Variants in ARHGEF3 observed in about 807,000 individuals in gnomAD.
The protein encoded by ARHGEF3 is 59.8 kDA protein.
Under a neutral mutation model 63.2 loss-of-function variants are expected in ARHGEF3, and 28 were observed. The ratio of observed to expected loss-of-function variants is 0.44; its 90% CI spans 0.33 to 0.61. ARHGEF3 has a LOEUF of 0.61. Among genes scored for constraint, ARHGEF3 ranks in the 20% least tolerant of loss-of-function variants. The probability of loss-of-function intolerance (pLI) is 0.03; values close to 1 mark genes in which losing one functional copy is unlikely to be tolerated. For missense variants in ARHGEF3, 533 were observed against 659.3 expected (o/e 0.81, Z 2.10); for synonymous variants, 266 against 254.2 (o/e 1.05, Z -0.44).
At chr3:56,826,326 A>G (rs537651052) in intron 4 of ARHGEF3, among the ~76,000 whole-genome samples, 1 of 152,348 alleles carries the variant, frequency 6.6e-6, no homozygotes, top group East Asian at 1.9e-4. Context: ...TGTCACAACT[A>G]GAAGCATTTT....
chr3:56,877,700 A>G (rs2040634094), intron 4 of ARHGEF3, among the ~76,000 whole-genome samples: 1 of 152,182 alleles, frequency 6.6e-6, no homozygotes, highest in Non-Finnish European at 1.5e-5. Flanking sequence ...GTATGCTTAT[A>G]TAAATGTTAA....
chr3:56,980,113 T>A (rs1214375673), intron 2 of ARHGEF3, among the ~76,000 whole-genome samples: 1 of 152,232 alleles, frequency 6.6e-6, no homozygotes, highest in Non-Finnish European at 1.5e-5. Flanking sequence ...GAAAATGCAC[T>A]TAATACCCTT....
intron 2 of ARHGEF3, among the ~76,000 whole-genome samples, chr3:56,968,063 T>TA (rs1700680860): frequency 1.8e-4 from 5 of 27,384 alleles, no homozygotes; most frequent in Non-Finnish European, 2.2e-4. Flanking sequence ...ATATATATAA[T>TA]ATATATAATA....
intron 4 of ARHGEF3, among the ~76,000 whole-genome samples, chr3:56,817,909 C>T (rs749900600): frequency 3.3e-5 from 5 of 152,180 alleles, no homozygotes; most frequent in Non-Finnish European, 7.3e-5. Context: ...AGGAAGGCCA[C>T]GCATGGGGGA....
chr3:56,802,332 A>G (rs75129186), upstream of ARHGEF3, among the ~76,000 whole-genome samples: 4,675 of 152,194 alleles, frequency 0.031, 79 homozygotes, highest in Non-Finnish European at 0.041. Flanking sequence ...GCCTGGGGGG[A>G]AAAGCGAGCG....
chr3:56,999,022 A>G (rs771882189), intron 2 of ARHGEF3, among the ~76,000 whole-genome samples: 1 of 152,102 alleles, frequency 6.6e-6, no homozygotes, highest in Non-Finnish European at 1.5e-5. Flanking sequence ...GCCAACAGAT[A>G]AAGTAGTAAG....
intron 1 of ARHGEF3, among the ~76,000 whole-genome samples, chr3:57,056,184 G>A (rs554353806): frequency 3.9e-5 from 6 of 152,040 alleles, no homozygotes; most frequent in East Asian, 1.9e-4. Flanking sequence ...TCAGAAGATC[G>A]AGACCATCCT....
intron 4 of ARHGEF3, among the ~76,000 whole-genome samples, chr3:56,856,053 G>C (rs954128500): frequency 3.3e-5 from 5 of 152,202 alleles, no homozygotes; most frequent in Non-Finnish European, 7.3e-5. Context: ...AGACCAGCAG[G>C]GGGCCCTGCC....
chr3:56,867,949 C>G (rs564314115), intron 4 of ARHGEF3, among the ~76,000 whole-genome samples: 1 of 152,262 alleles, frequency 6.6e-6, no homozygotes, highest in African/African-American at 2.4e-5. Context: ...ATTTATCAAA[C>G]CATCACACTC....
At chr3:56,874,673 TA>T (rs1320867223) in intron 4 of ARHGEF3, among the ~76,000 whole-genome samples, 2 of 152,212 alleles carry the variant, frequency 1.3e-5, no homozygotes, top group African/African-American at 4.8e-5. Flanking sequence ...ATGCCTGTCA[TA>T]AACCTCAAAG....
chr3:56,729,583 T>A lies in ARHGEF3; in HGVS notation c.1268A>T (p.Gln423Leu). Reference sequence around the variant, plus strand: ...GGCTTGTAGCGAGTGGGTCTGACTTTGGGATCCATTTTTGAAACTGACTCT... The same window carrying A: ...GGCTTGTAGCGAGTGGGTCTGACTTAGGGATCCATTTTTGAAACTGACTCT... ...FFRVSFKNGS[Q>L]SQTHSLQAND... is the part of the protein sequence containing the mutation. The change falls in exon 10 of 10, where the codon CAA becomes CTA. Residue 423 changes from glutamine to leucine, a missense_variant. Gln to Leu is a moderately radical substitution (Grantham distance 113). Coordinates refer to ENST00000296315, the MANE Select transcript of ARHGEF3 (RefSeq NM_019555.3). 1 of 1,605,266 alleles carries A rather than the reference T, an allele frequency of 6.2e-7. No individual in the cohort carries two copies. Among genetic ancestry groups the A allele is most frequent in the Non-Finnish European group, 8.5e-7 (1 of 1,174,614 alleles).
chr3:56,801,892 G>C lies in ARHGEF3; in HGVS notation c.-94C>G. 6.5e-7 allele frequency: 1 copy of C among 1,547,418 alleles called. No homozygotes were observed. The highest frequency in any genetic ancestry group is 8.7e-7 in the Non-Finnish European group (1 of 1,146,570). On this transcript the variant is annotated 5_prime_UTR_variant, in exon 1 of 10. Transcript: ENST00000296315. ...AAGGGGGCCCCAGCTCCACGATGCC[G>C]GGCGGCGGCGGCGACACGGAGACCG... is the stretch of plus-strand genomic sequence containing the variant.
intron 3 of ARHGEF3, among the ~76,000 whole-genome samples, chr3:56,929,939 T>C (rs1414952935): frequency 1.3e-5 from 2 of 152,148 alleles, no homozygotes; most frequent in Non-Finnish European, 2.9e-5. Flanking sequence ...ACAATGCAAC[T>C]GACAATGCTT....
At chr3:56,997,007 A>G (rs964129266) in intron 2 of ARHGEF3, among the ~76,000 whole-genome samples, 46 of 151,914 alleles carry the variant, frequency 3.0e-4, no homozygotes, top group Non-Finnish European at 2.9e-5. Context: ...GGAAGCCAAA[A>G]GATTGAACAC....
At chr3:57,009,323 C>T (rs1439539435) in intron 2 of ARHGEF3, among the ~76,000 whole-genome samples, 1 of 152,144 alleles carries the variant, frequency 6.6e-6, no homozygotes, top group Non-Finnish European at 1.5e-5. Context: ...GCCTATCCCC[C>T]AGCCTGCCTG....
At chr3:57,029,739 G>A (rs1703654106) in intron 2 of ARHGEF3, among the ~76,000 whole-genome samples, 1 of 152,186 alleles carries the variant, frequency 6.6e-6, no homozygotes, top group East Asian at 1.9e-4. Context: ...AGCAGACTGT[G>A]GGAATGCTGA....
At chr3:56,981,566 T>C (rs1279918399) in intron 2 of ARHGEF3, among the ~76,000 whole-genome samples, 1 of 152,174 alleles carries the variant, frequency 6.6e-6, no homozygotes, top group Non-Finnish European at 1.5e-5. Context: ...CCAGGATCCA[T>C]AACCCTGTAT....
intron 1 of ARHGEF3, among the ~76,000 whole-genome samples, chr3:57,069,392 C>T (rs1237525356): frequency 6.6e-6 from 1 of 150,718 alleles, no homozygotes; most frequent in Non-Finnish European, 1.5e-5. Flanking sequence ...CACACACACA[C>T]ACACACACAC....
intron 4 of ARHGEF3, among the ~76,000 whole-genome samples, chr3:56,828,436 A>G (rs772117385): frequency 2.0e-5 from 3 of 152,182 alleles, no homozygotes; most frequent in Non-Finnish European, 4.4e-5. Flanking sequence ...CAGGAGGCTG[A>G]GACAGGTGAA....
Sources: gnomAD v4.1 joint callset for allele counts (sites outside exome capture counted in the v4.1 genomes callset) on GRCh38, gnomAD v4.1.1 for gene constraint, MANE v1.5 for transcripts, NCBI Gene and HGNC (gene_info 2026-07-23, HGNC 2026-07-21) for gene names.